Variants in OTUD7A observed in about 807,000 individuals in gnomAD.
The protein encoded by OTUD7A is OTU deubiquitinase 7A.
In OTUD7A, 12 loss-of-function variants were observed where a neutral mutation model predicts 65.7. The observed-to-expected ratio is 0.18, with a 90% CI of 0.12 to 0.30. The LOEUF (loss-of-function observed/expected upper bound fraction) is 0.30. Ranked by LOEUF, OTUD7A falls within the 10% of genes least tolerant of loss-of-function variation. The pLI, the probability that OTUD7A is intolerant of heterozygous loss-of-function variation, is 1.00. For synonymous variants in OTUD7A, 641 were observed against 586.3 expected, an observed-to-expected ratio of 1.09 and a Z score of -1.35; for missense variants, 1,148 against 1,304.8, an observed-to-expected ratio of 0.88 and a Z score of 1.85.
At chr15:31,616,694 C>G (rs765035096) in intron 3 of OTUD7A, among the ~76,000 whole-genome samples, 3 of 152,152 alleles carry the variant, frequency 2.0e-5, no homozygotes, top group Non-Finnish European at 4.4e-5. Flanking sequence ...CAGACAACCA[C>G]CACTGTGCCT....
At chr15:31,729,502 T>C (rs1371347738) in intron 1 of OTUD7A, among the ~76,000 whole-genome samples, 1 of 152,244 alleles carries the variant, frequency 6.6e-6, no homozygotes, top group Non-Finnish European at 1.5e-5. Context: ...ACATGGCTAC[T>C]GAGTGTGGCC....
At chr15:31,626,686 C>T (rs573708445) in intron 3 of OTUD7A, among the ~76,000 whole-genome samples, 1 of 152,206 alleles carries the variant, frequency 6.6e-6, no homozygotes, top group Admixed American at 6.5e-5. Context: ...AATGATTCTC[C>T]TGCCTCAGCC....
chr15:31,578,902 G>C (rs991258674), intron 3 of OTUD7A, among the ~76,000 whole-genome samples: 1 of 152,132 alleles, frequency 6.6e-6, no homozygotes, highest in African/African-American at 2.4e-5. Flanking sequence ...TCCCTAAAAT[G>C]TGTAAAACCA....
intron 1 of OTUD7A, among the ~76,000 whole-genome samples, chr15:31,744,100 T>C (rs1894412896): frequency 6.6e-6 from 1 of 152,248 alleles, no homozygotes; most frequent in African/African-American, 2.4e-5. Context: ...ATTCTGAATC[T>C]GTATCTGCTA....
chr15:31,797,787 C>T (rs1252706666), intron 1 of OTUD7A, among the ~76,000 whole-genome samples: 1 of 152,232 alleles, frequency 6.6e-6, no homozygotes, highest in Non-Finnish European at 1.5e-5. Flanking sequence ...GTGTGTGCTG[C>T]TTCTCCGGTG....
intron 5 of OTUD7A, among the ~76,000 whole-genome samples, chr15:31,538,299 T>C (rs1347834819): frequency 1.3e-5 from 2 of 152,158 alleles, no homozygotes; most frequent in Admixed American, 6.5e-5. Flanking sequence ...GGGTCCTCCA[T>C]AACACTGTGC....
At chr15:31,688,170 C>T (rs1467562742) in intron 1 of OTUD7A, among the ~76,000 whole-genome samples, 1 of 149,990 alleles carries the variant, frequency 6.7e-6, no homozygotes, top group Non-Finnish European at 1.5e-5. Flanking sequence ...GAGCCGAGAT[C>T]GTGCCACTGC....
chr15:31,795,489 T>C (rs1355277352), intron 1 of OTUD7A, among the ~76,000 whole-genome samples: 1 of 152,158 alleles, frequency 6.6e-6, no homozygotes, highest in East Asian at 1.9e-4. Context: ...AGTTGGGGGA[T>C]GAGAAAATCG....
chr15:31,534,850 A>G (rs938093335), intron 5 of OTUD7A, among the ~76,000 whole-genome samples: 4 of 152,156 alleles, frequency 2.6e-5, no homozygotes, highest in Non-Finnish European at 4.4e-5. Flanking sequence ...CTGTATGTCT[A>G]AGAAGTTGGC....
intron 1 of OTUD7A, among the ~76,000 whole-genome samples, chr15:31,765,081 T>C (rs1895063034): frequency 6.6e-6 from 1 of 152,188 alleles, no homozygotes; most frequent in African/African-American, 2.4e-5. Context: ...ATGATTGCCT[T>C]ATACTTCTTT....
At chr15:31,654,996 T>G in intron 3 of OTUD7A, 100 bp downstream of exon 3, 1 of 1,401,042 alleles carries the variant, frequency 7.1e-7, no homozygotes, top group Non-Finnish European at 9.5e-7. Context: ...AAAGCCCACT[T>G]AGTGCTCAAG....
intron 1 of OTUD7A, among the ~76,000 whole-genome samples, chr15:31,744,676 C>G (rs1022494354): frequency 1.3e-4 from 19 of 151,798 alleles, no homozygotes; most frequent in African/African-American, 3.4e-4. Flanking sequence ...AATACTTGTA[C>G]AAAAGATTGT....
chr15:31,485,069 A>G (rs2041217684), intron 12 of OTUD7A, among the ~76,000 whole-genome samples: 1 of 152,158 alleles, frequency 6.6e-6, no homozygotes, highest in Admixed American at 6.5e-5. Flanking sequence ...CAGGGTGCAG[A>G]TACCCTACTT....
At chr15:31,858,726 G>A (rs1442279024) in intron 1 of OTUD7A, among the ~76,000 whole-genome samples, 3 of 152,084 alleles carry the variant, frequency 2.0e-5, no homozygotes, top group African/African-American at 4.8e-5. Flanking sequence ...CCACCAACCC[G>A]GCCAGCCCCA....
At chr15:31,622,963 T>C (rs1385122275) in intron 3 of OTUD7A, among the ~76,000 whole-genome samples, 2 of 152,218 alleles carry the variant, frequency 1.3e-5, no homozygotes, top group Non-Finnish European at 2.9e-5. Context: ...CCTTTCTGTT[T>C]GTTAGTTTTC....
At chr15:31,696,235 G>A (rs1030219120) in intron 1 of OTUD7A, among the ~76,000 whole-genome samples, 4 of 135,374 alleles carry the variant, frequency 3.0e-5, no homozygotes, top group African/African-American at 5.0e-5. Flanking sequence ...AGGGGCAGCC[G>A]CTGGCGTGTT....
chr15:31,830,004 T>C (rs1896892562), intron 1 of OTUD7A, among the ~76,000 whole-genome samples: 1 of 152,280 alleles, frequency 6.6e-6, no homozygotes, highest in South Asian at 2.1e-4. Flanking sequence ...ACCCTTCCTC[T>C]GGGTTAAGGG....
intron 1 of OTUD7A, among the ~76,000 whole-genome samples, chr15:31,844,242 C>T (rs1327451522): frequency 6.6e-6 from 1 of 152,244 alleles, no homozygotes; most frequent in African/African-American, 2.4e-5. Context: ...TGCGGTGGCT[C>T]ATGCCTGTAA....
intron 3 of OTUD7A, among the ~76,000 whole-genome samples, chr15:31,643,396 A>G (rs966135889): frequency 2.0e-5 from 3 of 151,848 alleles, no homozygotes; most frequent in Non-Finnish European, 2.9e-5. Context: ...TTTTTGTATT[A>G]AGCAATGTGC....
Sources: gnomAD v4.1 joint callset for allele counts (sites outside exome capture counted in the v4.1 genomes callset) on GRCh38, gnomAD v4.1.1 for gene constraint, MANE v1.5 for transcripts, NCBI Gene and HGNC (gene_info 2026-07-23, HGNC 2026-07-21) for gene names.